Variants in SPATA16 observed in about 807,000 individuals in gnomAD.
The protein encoded by SPATA16 is spermatogenesis-associated protein 16.
In SPATA16, 36 loss-of-function variants were observed where a neutral mutation model predicts 63.3. The ratio of observed to expected loss-of-function variants is 0.57; its 90% CI spans 0.44 to 0.75. The LOEUF (loss-of-function observed/expected upper bound fraction) is 0.75, where lower values mean the gene tolerates loss of function less well. Ranked by LOEUF, SPATA16 falls within the 30% of genes least tolerant of loss-of-function variation. The probability of loss-of-function intolerance (pLI) is 0.00; values close to 1 mark genes in which losing one functional copy is unlikely to be tolerated. For synonymous variants in SPATA16, 203 were observed against 216.7 expected (o/e 0.94, Z 0.56); for missense variants, 646 against 679.3 (o/e 0.95, Z 0.54).
At chr3:173,063,007 G>A (rs891066108) in intron 2 of SPATA16, among the ~76,000 whole-genome samples, 15 of 152,188 alleles carry the variant, frequency 9.9e-5, no homozygotes, top group Non-Finnish European at 1.8e-4. Flanking sequence ...GTGCGGCCCT[G>A]TTCCTAGCAG....
chr3:172,961,448 G>T (rs529400146), intron 5 of SPATA16, among the ~76,000 whole-genome samples: 1 of 152,274 alleles, frequency 6.6e-6, no homozygotes, highest in East Asian at 1.9e-4. Flanking sequence ...AGACTGGAGT[G>T]CAGTGGTGTG....
intron 2 of SPATA16, among the ~76,000 whole-genome samples, chr3:173,095,745 G>A (rs961964156): frequency 6.6e-6 from 1 of 152,044 alleles, no homozygotes; most frequent in African/African-American, 2.4e-5. Context: ...TTAAAATGTA[G>A]CACTTTAAAC....
intron 8 of SPATA16, among the ~76,000 whole-genome samples, chr3:172,923,631 T>C (rs1732663117): frequency 6.6e-6 from 1 of 152,186 alleles, no homozygotes. Flanking sequence ...TTTTGTAAAA[T>C]AGCAGTGTAA....
intron 2 of SPATA16, among the ~76,000 whole-genome samples, chr3:173,053,669 G>A (rs1736151433): frequency 6.6e-6 from 1 of 151,976 alleles, no homozygotes; most frequent in Non-Finnish European, 1.5e-5. Context: ...ATTGCTGATA[G>A]TTTCTCCCTT....
chr3:173,088,580 T>C (rs913384103), intron 2 of SPATA16, among the ~76,000 whole-genome samples: 2 of 152,206 alleles, frequency 1.3e-5, no homozygotes, highest in Admixed American at 6.5e-5. Flanking sequence ...TTTTTGTGTA[T>C]GTTTAATTTT....
chr3:173,004,268 A>G (rs578261269), intron 4 of SPATA16, among the ~76,000 whole-genome samples: 1 of 152,294 alleles, frequency 6.6e-6, no homozygotes, highest in South Asian at 2.1e-4. Flanking sequence ...AAAGGAAAGA[A>G]GGGGAGTTGG....
intron 6 of SPATA16, among the ~76,000 whole-genome samples, chr3:172,938,271 C>T (rs184987129): frequency 4.6e-5 from 7 of 152,262 alleles, no homozygotes; most frequent in African/African-American, 1.4e-4. Flanking sequence ...AGGCGAAGGA[C>T]TTGTCCCCGT....
intron 10 of SPATA16, among the ~76,000 whole-genome samples, chr3:172,909,515 C>G (rs1306793615): frequency 1.3e-5 from 2 of 152,182 alleles, no homozygotes; most frequent in Non-Finnish European, 2.9e-5. Context: ...TTTTGCCACG[C>G]TGTTTAAAGC....
intron 10 of SPATA16, among the ~76,000 whole-genome samples, chr3:172,900,735 G>T (rs1182078483): frequency 6.6e-6 from 1 of 152,060 alleles, no homozygotes; most frequent in Non-Finnish European, 1.5e-5. Flanking sequence ...CCGCCTCCCG[G>T]ATTCAAGTGA....
chr3:172,947,938 A>G (rs1157252772), intron 6 of SPATA16, among the ~76,000 whole-genome samples: 2 of 152,186 alleles, frequency 1.3e-5, no homozygotes, highest in Non-Finnish European at 2.9e-5. Context: ...CAGAACTTAA[A>G]GTAAAATTAA....
chr3:173,118,694 G>A (rs750990117), intron 1 of SPATA16, among the ~76,000 whole-genome samples: 6 of 152,200 alleles, frequency 3.9e-5, no homozygotes, highest in Non-Finnish European at 5.9e-5. Context: ...GAGGGATTAA[G>A]TTGCTTCTCC....
At chr3:173,106,047 C>A (rs1207044986) in intron 2 of SPATA16, among the ~76,000 whole-genome samples, 1 of 152,096 alleles carries the variant, frequency 6.6e-6, no homozygotes, top group Non-Finnish European at 1.5e-5. Context: ...ATTGATTTTA[C>A]AACCCAGCAA....
chr3:173,077,692 C>G (rs1423702557), intron 2 of SPATA16, among the ~76,000 whole-genome samples: 5 of 152,222 alleles, frequency 3.3e-5, no homozygotes, highest in African/African-American at 4.8e-5. Flanking sequence ...TACTTTCTCT[C>G]TCACCAACTA....
chr3:172,894,107 G>A lies in SPATA16; in HGVS notation c.1588-4415C>T, dbSNP rs181652957. On this transcript the variant is annotated intron_variant, in intron 10 of 10. Transcript: ENST00000351008. ...TAGCAGTTTGGACCAAAATCCTCTC[G>A]GTAAAACAGACATTTCACTCCACCA... 3.3e-5 allele frequency among the ~76,000 whole-genome samples: 5 copies of A among 152,030 alleles called. No homozygotes were observed. The East Asian group carries it at 7.7e-4, about 24-fold the overall frequency.
At chr3:172,967,825 G>A (rs779038976) in intron 5 of SPATA16, among the ~76,000 whole-genome samples, 4 of 152,114 alleles carry the variant, frequency 2.6e-5, no homozygotes, top group African/African-American at 4.8e-5. Flanking sequence ...ATCATCCCCC[G>A]ATGGGACTGT....
At chr3:173,081,749 C>T (rs1736929882) in intron 2 of SPATA16, among the ~76,000 whole-genome samples, 1 of 152,094 alleles carries the variant, frequency 6.6e-6, no homozygotes, top group African/African-American at 2.4e-5. Context: ...TTAACATCCG[C>T]CAAAATGAAC....
chr3:172,959,520 G>A (rs1733694072), intron 5 of SPATA16, among the ~76,000 whole-genome samples: 1 of 152,168 alleles, frequency 6.6e-6, no homozygotes, highest in Non-Finnish European at 1.5e-5. Flanking sequence ...GGGTAAGGAA[G>A]TGGGTGAGTA....
intron 6 of SPATA16, among the ~76,000 whole-genome samples, chr3:172,956,322 A>T (rs1206110998): frequency 2.0e-5 from 3 of 152,136 alleles, no homozygotes; most frequent in Admixed American, 6.6e-5. Flanking sequence ...GACTGGAAAA[A>T]AAATCCATCT....
intron 3 of SPATA16, among the ~76,000 whole-genome samples, chr3:173,038,550 AC>A (rs1735768316): frequency 6.6e-6 from 1 of 151,918 alleles, no homozygotes; most frequent in South Asian, 2.1e-4. Flanking sequence ...GTTGGTCCTT[AC>A]CTATTTCAGT....
Sources: allele counts gnomAD v4.1 joint callset (sites outside exome capture counted in the v4.1 genomes callset), GRCh38; gene constraint gnomAD v4.1.1; transcripts MANE v1.5; gene names NCBI Gene and HGNC (gene_info 2026-07-23, HGNC 2026-07-21).